Variants in AASS observed in about 807,000 individuals in gnomAD.
AASS encodes the protein alpha-aminoadipic semialdehyde synthase, mitochondrial.
A neutral mutation model predicts 105.4 loss-of-function variants in AASS; 86 were observed. The observed-to-expected ratio is 0.82, with a 90% CI of 0.69 to 0.98. AASS has a LOEUF of 0.98. AASS is among the 50% of genes least tolerant of loss of function. AASS has a pLI of 0.00. For synonymous variants in AASS, 381 were observed against 394.8 expected (o/e 0.96, Z 0.41); for missense variants, 1,048 against 1,143.2 (o/e 0.92, Z 1.20).
At chr7:122,126,511 C>T (rs753883705) in intron 3 of AASS, 52 bp from the exon 4 acceptor site, 1 of 1,401,352 alleles carries the variant, frequency 7.1e-7, no homozygotes, top group South Asian at 1.2e-5. Flanking sequence ...TTAATTTTAA[C>T]AAGTAAAGAC....
At chr7:122,118,088 T>C (rs1264524870) in intron 6 of AASS, among the ~76,000 whole-genome samples, 1 of 151,970 alleles carries the variant, frequency 6.6e-6, no homozygotes, top group Non-Finnish European at 1.5e-5. Flanking sequence ...CACTTACACA[T>C]ACACACACAC....
intron 15 of AASS, among the ~76,000 whole-genome samples, chr7:122,094,264 A>G (rs1369264200): frequency 6.6e-6 from 1 of 152,148 alleles, no homozygotes; most frequent in African/African-American, 2.4e-5. Flanking sequence ...AAGTAAAATA[A>G]ATAAATATTC....
At chr7:122,115,000 T>C (rs1321707701) in intron 9 of AASS, 74 bp downstream of exon 9, 8 of 1,598,508 alleles carry the variant, frequency 5.0e-6, no homozygotes, top group Non-Finnish European at 6.9e-6. Flanking sequence ...AGTCCTCTGA[T>C]ATGTGATATT....
chr7:122,098,377 A>G, intron 15 of AASS, 73 bp downstream of exon 15: 2 of 1,559,622 alleles, frequency 1.3e-6, no homozygotes, highest in Non-Finnish European at 1.8e-6. Flanking sequence ...AGAGAGGAGA[A>G]GTGAAAGAGA....
At chr7:122,124,642 T>C (rs1291616444) in intron 4 of AASS, among the ~76,000 whole-genome samples, 1 of 152,174 alleles carries the variant, frequency 6.6e-6, no homozygotes, top group East Asian at 1.9e-4. Context: ...CTTGCTTGAA[T>C]GCTTCTCTAA....
rs140481133 is a variant in AASS, at chr7:122,112,980, A to G, written c.1278+138T>C. 81 of 734,340 alleles carry G rather than the reference A, an allele frequency of 1.1e-4. 1 individual carries two copies. In the African/African-American group the frequency reaches 1.1e-3, roughly 10 times the overall value. The allele number at this position is 734,340 out of a possible 1,614,324, so 45.5% of individuals were successfully genotyped here. A position where few individuals can be genotyped will look rare whatever the true frequency, so the allele number is the denominator to read the frequency against. On this transcript the variant is annotated intron_variant, in intron 11 of 23. Coordinates refer to ENST00000417368, the MANE Select transcript of AASS (RefSeq NM_005763.4). ...AGAATATGTCAAATAAAATAGTATCAGTAAGTATTTCAGGGAAGGGCTGGC... is the reference window on the plus strand; with the variant it reads ...AGAATATGTCAAATAAAATAGTATCGGTAAGTATTTCAGGGAAGGGCTGGC...
chr7:122,086,222 C>T (rs772990451), intron 18 of AASS, 43 bp from the exon 19 acceptor site: 2 of 1,602,838 alleles, frequency 1.2e-6, no homozygotes, highest in South Asian at 1.1e-5. Context: ...ACAGCTGTTC[C>T]TTTCTTTTAG....
chr7:122,133,450 C>T, intron 2 of AASS, 67 bp downstream of exon 2: 2 of 1,527,478 alleles, frequency 1.3e-6, no homozygotes, highest in Non-Finnish European at 1.8e-6. Context: ...TATTTTCACT[C>T]AGATGCTCCT....
chr7:122,080,915 A>G (rs1253171837), intron 20 of AASS, among the ~76,000 whole-genome samples: 1 of 152,232 alleles, frequency 6.6e-6, no homozygotes, highest in African/African-American at 2.4e-5. Context: ...TTGAACAACC[A>G]GCTGGTAATG....
At position 122,093,087 on chromosome 7, in the gene AASS, G is replaced by T. The variant is rs1325649908; in HGVS notation, c.1727C>A (p.Ala576Glu). 6.2e-7 allele frequency: 1 copy of T among 1,613,978 alleles called. No individual in the cohort carries two copies. Among genetic ancestry groups the T allele is most frequent in the Non-Finnish European group, 8.5e-7 (1 of 1,179,892 alleles). ...CITNKVNMVT[A>E]SYITPALKEL... ...TTTTAGTGCTGGTGTGATGTAGCTT[G>T]CAGTGACCATGTTAACTTTGTTTGT... is the stretch of plus-strand genomic sequence containing the variant. The change falls in exon 16 of 24, where the codon GCA becomes GAA. Residue 576 changes from alanine (A) to glutamate (E), a missense_variant. Transcript: ENST00000417368.
At chr7:122,123,647 A>G (rs1795531890) in intron 4 of AASS, among the ~76,000 whole-genome samples, 1 of 152,198 alleles carries the variant, frequency 6.6e-6, no homozygotes, top group African/African-American at 2.4e-5. Flanking sequence ...AAAGGAAGCT[A>G]TTTACCTTAC....
intron 11 of AASS, among the ~76,000 whole-genome samples, chr7:122,106,860 T>C (rs1794689699): frequency 6.6e-6 from 1 of 151,996 alleles, no homozygotes; most frequent in South Asian, 2.1e-4. Flanking sequence ...TAGCAAAGAT[T>C]TCATGATGAA....
intron 10 of AASS, 68 bp from the exon 11 acceptor site, chr7:122,113,297 G>A (rs1003903340): frequency 3.0e-6 from 4 of 1,330,500 alleles, no homozygotes; most frequent in South Asian, 2.4e-5. Flanking sequence ...TTTTCCAGAT[G>A]TCTACTCCAC....
At chr7:122,129,252 G>A in intron 3 of AASS, 109 bp downstream of exon 3, 1 of 692,670 alleles carries the variant, frequency 1.4e-6, no homozygotes, top group Admixed American at 3.5e-5. Context: ...GGAATGCAAT[G>A]TTTCTCTTAA....
At chr7:122,119,083 A>C (rs1389591828) in intron 4 of AASS, among the ~76,000 whole-genome samples, 3 of 152,188 alleles carry the variant, frequency 2.0e-5, no homozygotes, top group African/African-American at 7.2e-5. Context: ...CCCATCATCT[A>C]TTTAGTGACC....
rs569650534 is a variant in AASS, at chr7:122,088,193, G to T, written c.2017-2014C>A. Among the ~76,000 whole-genome samples, 162 of 152,042 alleles carry T rather than the reference G, an allele frequency of 1.1e-3. 1 individual carries two copies. Among genetic ancestry groups the T allele is most frequent in the African/African-American group, 3.9e-3 (160 of 41,484 alleles). On this transcript the variant is annotated intron_variant, in intron 18 of 23. Coordinates refer to ENST00000417368, the MANE Select transcript of AASS (RefSeq NM_005763.4). ...TTCACTGCTGTTGCAAGCTTCTCTAGGTCCAACTCTTTCACACATACACAC... is the reference window on the plus strand; with the variant it reads ...TTCACTGCTGTTGCAAGCTTCTCTATGTCCAACTCTTTCACACATACACAC...
At chr7:122,127,540 C>G (rs1288028114) in intron 3 of AASS, among the ~76,000 whole-genome samples, 1 of 151,918 alleles carries the variant, frequency 6.6e-6, no homozygotes, top group Non-Finnish European at 1.5e-5. Context: ...ACTTTATTTG[C>G]TTAAAGTGGA....
chr7:122,109,274 A>G (rs1794822722), intron 11 of AASS, among the ~76,000 whole-genome samples: 1 of 151,138 alleles, frequency 6.6e-6, no homozygotes, highest in African/African-American at 2.4e-5. Context: ...AAAAAATGAT[A>G]ATCTTCACAG....
intron 23 of AASS, among the ~76,000 whole-genome samples, chr7:122,077,594 C>CT: frequency 6.6e-6 from 1 of 152,186 alleles, no homozygotes; most frequent in Non-Finnish European, 1.5e-5. Flanking sequence ...TGCTGAGTAA[C>CT]TTGCAGCCCA....
Sources: allele counts gnomAD v4.1 joint callset (sites outside exome capture counted in the v4.1 genomes callset), GRCh38; gene constraint gnomAD v4.1.1; transcripts MANE v1.5; gene names NCBI Gene and HGNC (gene_info 2026-07-23, HGNC 2026-07-21).